The following METTL15 variants were observed in gnomAD, a reference collection of about 807,000 sequenced individuals.
METTL15 encodes the protein methyltransferase 15, mitochondrial 12S rRNA N4-cytidine.
Under a neutral mutation model 38.3 loss-of-function variants are expected in METTL15, and 34 were observed. The observed-to-expected ratio is 0.89, with a 90% CI of 0.68 to 1.18. The LOEUF (loss-of-function observed/expected upper bound fraction) is 1.18. METTL15 is among the 50% of genes most tolerant of loss of function. The pLI is 0.00. For missense variants in METTL15, 438 were observed against 498.4 expected (o/e 0.88, Z 1.15); for synonymous variants, 162 against 170.9 (o/e 0.95, Z 0.41).
rs904204548 is a variant in METTL15 at position 28,378,225 on chromosome 11, T to C, written c.*358+16189T>C. ...GGCTCCTTTGTTTACCTAAGCAAGC[T>C]TGGGCAATGGCGGGCGCCCCTCCCC... On this transcript the variant is annotated intron_variant and NMD_transcript_variant, in intron 5 of 7. Coordinates refer to the METTL15 transcript ENST00000532947. 7.2e-5 allele frequency among the ~76,000 whole-genome samples: 11 copies of C among 152,312 alleles called. No individual in the cohort carries two copies. In the East Asian group the frequency reaches 1.4e-3, roughly 19 times the overall value.
chr11:28,172,491 T>C (rs1231110161), intron 3 of METTL15, among the ~76,000 whole-genome samples: 2 of 152,208 alleles, frequency 1.3e-5, no homozygotes, highest in Non-Finnish European at 2.9e-5. Flanking sequence ...CTTTAGAGAT[T>C]GCTAATTTTC....
At chr11:28,428,158 C>G (rs186809067) in intron 6 of METTL15, among the ~76,000 whole-genome samples, 151 of 152,272 alleles carry the variant, frequency 9.9e-4, no homozygotes, top group African/African-American at 1.9e-3. Flanking sequence ...TGTACTTACA[C>G]AAACCTAGAT....
intron 4 of METTL15, among the ~76,000 whole-genome samples, chr11:28,254,368 A>G (rs568686192): frequency 2.6e-5 from 4 of 152,216 alleles, no homozygotes; most frequent in South Asian, 2.1e-4. Context: ...AGCTCCTTAT[A>G]TATTCTGGTT....
At chr11:28,314,646 G>T (rs1392750000) in intron 6 of METTL15, among the ~76,000 whole-genome samples, 1 of 152,166 alleles carries the variant, frequency 6.6e-6, no homozygotes, top group East Asian at 1.9e-4. Context: ...TTCAATTTCA[G>T]GTATCCCATC....
chr11:28,497,378 A>C (rs923099885), intron 6 of METTL15, among the ~76,000 whole-genome samples: 3 of 152,236 alleles, frequency 2.0e-5, no homozygotes, highest in African/African-American at 7.2e-5. Context: ...CTTAATTTCC[A>C]TCTGTGCTCC....
At position 28,292,617 on chromosome 11, in the gene METTL15, G is replaced by C. The variant is rs563662521; in HGVS notation, c.599+2220G>C. Among the ~76,000 whole-genome samples, 195 of 152,158 alleles carry C rather than the reference G, an allele frequency of 1.3e-3. 1 individual carries two copies. The highest frequency in any genetic ancestry group is 2.5e-3 in the Non-Finnish European group (172 of 67,972). On this transcript the variant is annotated intron_variant, in intron 5 of 6. Transcript: ENST00000407364. ...TCAAATGGTATTTGTAGTTCTAGAT[G>C]CCTGAGGAATCGCCACACTGACTTC... is the stretch of plus-strand genomic sequence containing the variant.
At chr11:28,351,598 T>C (rs940102344) in intron 3 of METTL15, among the ~76,000 whole-genome samples, 1 of 151,222 alleles carries the variant, frequency 6.6e-6, no homozygotes, top group Non-Finnish European at 1.5e-5. Flanking sequence ...AAGTGAAAGG[T>C]TGTATACAAC....
intron 4 of METTL15, among the ~76,000 whole-genome samples, chr11:28,221,167 G>T (rs980073058): frequency 7.9e-5 from 12 of 152,206 alleles, no homozygotes; most frequent in East Asian, 1.9e-4. Context: ...TTCCAACTTG[G>T]TTCCATTCTC....
At chr11:28,293,126 T>G (rs556326973) in intron 5 of METTL15, among the ~76,000 whole-genome samples, 2 of 152,348 alleles carry the variant, frequency 1.3e-5, no homozygotes, top group East Asian at 3.9e-4. Context: ...ATGAAGTCCT[T>G]ACCCATGCCT....
At chr11:28,455,372 GT>G (rs1325476813) in intron 6 of METTL15, among the ~76,000 whole-genome samples, 1 of 151,834 alleles carries the variant, frequency 6.6e-6, no homozygotes, top group Non-Finnish European at 1.5e-5. Flanking sequence ...ATAGCAATTG[GT>G]TCCCCAAAAT....
At chr11:28,368,973 A>AG (rs930383315) in intron 5 of METTL15, among the ~76,000 whole-genome samples, 21 of 151,876 alleles carry the variant, frequency 1.4e-4, no homozygotes, top group African/African-American at 4.4e-4. Context: ...GGACATAAGG[A>AG]GGGGAACATC....
At chr11:28,236,615 T>G (rs1022589551) in intron 4 of METTL15, among the ~76,000 whole-genome samples, 6 of 152,296 alleles carry the variant, frequency 3.9e-5, no homozygotes, top group East Asian at 1.9e-4. Flanking sequence ...AAAGTTAATA[T>G]TGTTATGTGT....
At chr11:28,344,816 T>C (rs891274479) in intron 3 of METTL15, among the ~76,000 whole-genome samples, 1 of 152,178 alleles carries the variant, frequency 6.6e-6, no homozygotes, top group Non-Finnish European at 1.5e-5. Flanking sequence ...CTAATATAAA[T>C]ATAATGCAAG....
chr11:28,238,136 C>T (rs1371152595), intron 4 of METTL15, among the ~76,000 whole-genome samples: 1 of 152,238 alleles, frequency 6.6e-6, no homozygotes. Context: ...CTCTTCAAAG[C>T]TGTCAGACAG....
chr11:28,364,299 C>A (rs1307995677), intron 5 of METTL15, among the ~76,000 whole-genome samples: 1 of 152,130 alleles, frequency 6.6e-6, no homozygotes, highest in African/African-American at 2.4e-5. Context: ...TATATTGATT[C>A]TTCCAATCCA....
At chr11:28,524,450 G>T (rs924084583) in intron 6 of METTL15, among the ~76,000 whole-genome samples, 4 of 152,198 alleles carry the variant, frequency 2.6e-5, no homozygotes, top group Non-Finnish European at 4.4e-5. Context: ...ATAATCTTGG[G>T]CATAGTCACT....
At chr11:28,396,233 G>C (rs1329764093) in intron 5 of METTL15, among the ~76,000 whole-genome samples, 1 of 152,176 alleles carries the variant, frequency 6.6e-6, no homozygotes, top group Non-Finnish European at 1.5e-5. Flanking sequence ...AGTGTTGGAA[G>C]TTCTGACCAG....
chr11:28,518,561 A>G (rs1430590795), intron 6 of METTL15, among the ~76,000 whole-genome samples: 1 of 152,236 alleles, frequency 6.6e-6, no homozygotes, highest in East Asian at 1.9e-4. Context: ...CAGCCCTTAC[A>G]GCAAGGGTCT....
chr11:28,324,072 A>G (rs1849556127), intron 6 of METTL15, among the ~76,000 whole-genome samples: 1 of 152,236 alleles, frequency 6.6e-6, no homozygotes. Context: ...TTCCCATTAA[A>G]TGTACATTAG....
Sources: gnomAD v4.1 joint callset for allele counts (sites outside exome capture counted in the v4.1 genomes callset) on GRCh38, gnomAD v4.1.1 for gene constraint, MANE v1.5 for transcripts, NCBI Gene and HGNC (gene_info 2026-07-23, HGNC 2026-07-21) for gene names.